BTNL8: variants seen among roughly 807,000 people sequenced by gnomAD.
BTNL8 encodes the protein butyrophilin like 8, also known as butyrophilin-like protein 8.
A neutral mutation model predicts 36.1 loss-of-function variants in BTNL8; 22 were observed. The ratio of observed to expected loss-of-function variants is 0.61; its 90% CI spans 0.44 to 0.87. The LOEUF (loss-of-function observed/expected upper bound fraction) is 0.87, where lower values mean the gene tolerates loss of function less well. Among genes scored for constraint, BTNL8 ranks in the 40% least tolerant of loss-of-function variants. The pLI is 0.00. For synonymous variants in BTNL8, 203 were observed against 235.6 expected, an observed-to-expected ratio of 0.86 and a Z score of 1.27; for missense variants, 526 against 616.9, an observed-to-expected ratio of 0.85 and a Z score of 1.56.
intron 3 of BTNL8, among the ~76,000 whole-genome samples, chr5:180,918,909 A>G (rs140060167): frequency 2.7e-4 from 41 of 152,280 alleles, no homozygotes; most frequent in Admixed American, 8.5e-4. Flanking sequence ...ATGTAGATGA[A>G]GTCTCATAAG....
chr5:180,937,082 T>G (rs998386094), intron 3 of BTNL8, among the ~76,000 whole-genome samples: 13 of 152,146 alleles, frequency 8.5e-5, no homozygotes, highest in African/African-American at 2.7e-4. Context: ...CCCAGGAGTC[T>G]CAGGAACAGC....
At chr5:180,912,390 C>A (rs1021310824) in intron 3 of BTNL8, among the ~76,000 whole-genome samples, 2 of 151,528 alleles carry the variant, frequency 1.3e-5, no homozygotes, top group African/African-American at 2.4e-5. Context: ...CTCTTTATCT[C>A]CATCTTTCTC....
At chr5:180,939,739 G>A (rs568896700) in intron 3 of BTNL8, among the ~76,000 whole-genome samples, 4 of 152,232 alleles carry the variant, frequency 2.6e-5, no homozygotes, top group Non-Finnish European at 5.9e-5. Flanking sequence ...TACACCAAAT[G>A]AACCTAGCAG....
chr5:180,921,824 T>C (rs1195370151), intron 3 of BTNL8, among the ~76,000 whole-genome samples: 19 of 152,058 alleles, frequency 1.2e-4, no homozygotes, highest in Admixed American at 1.2e-3. Context: ...ACCAAACTCT[T>C]TGAGTTGTAT....
intron 2 of BTNL8, chr5:180,909,627 C>A: frequency 3.1e-6 from 3 of 966,688 alleles, no homozygotes; most frequent in Non-Finnish European, 3.7e-6. Flanking sequence ...AGCCCGTAAT[C>A]CCAACACCTT....
chr5:180,907,351 T>G (rs199541497), intron 1 of BTNL8, among the ~76,000 whole-genome samples: 2 of 99,196 alleles, frequency 2.0e-5, no homozygotes. Context: ...ACGTAGTTCT[T>G]GAGCCTTGGT....
chr5:180,949,437 T>A, intron 7 of BTNL8, 172 bp downstream of exon 7: 1 of 1,029,492 alleles, frequency 9.7e-7, no homozygotes. Context: ...CCAGACACAC[T>A]TCTTTCCCTT....
intron 3 of BTNL8, among the ~76,000 whole-genome samples, chr5:180,927,115 A>T (rs749548859): frequency 6.6e-6 from 1 of 152,148 alleles, no homozygotes. Context: ...GACGAACCTT[A>T]CAGAGGAAGG....
chr5:180,948,522 T>G (rs1311367225), intron 5 of BTNL8, 147 bp downstream of exon 5: 13 of 1,604,936 alleles, frequency 8.1e-6, no homozygotes, highest in Non-Finnish European at 1.1e-5. Context: ...GCTCTCTCCA[T>G]CCACTGCTCA....
Position 180,935,382 on chromosome 5 carries a change from A to G in BTNL8, c.674-12130A>G, listed in dbSNP as rs990579396. On this transcript the variant is annotated intron_variant, in intron 3 of 7. Transcript: ENST00000340184. This position sits in a 1 kb window ranked among gnomAD's most constrained non-coding sequence, Gnocchi z 4.8. ...GACCTGTGCAGAGCTGCCCTCAGCC[A>G]TCGTCCTCCCTCCTGTGCTCACTGG... is the stretch of plus-strand genomic sequence containing the variant. 6.6e-6 allele frequency among the ~76,000 whole-genome samples: 1 copy of G among 152,216 alleles called. No individual in the cohort carries two copies. The highest frequency in any genetic ancestry group is 1.5e-5 in the Non-Finnish European group (1 of 68,038).
At chr5:180,900,694 G>C (rs141632913) in intron 1 of BTNL8, among the ~76,000 whole-genome samples, 1 of 152,198 alleles carries the variant, frequency 6.6e-6, no homozygotes, top group Non-Finnish European at 1.5e-5. Context: ...CGTTGAGCAG[G>C]TGATTCTGGG....
In BTNL8 at chr5:180,911,378, T is replaced by C. The variant is rs1757385853; in HGVS notation, c.437T>C (p.Val146Ala). The change falls in exon 3 of 8, where the codon GTT becomes GCT. Residue 146 changes from valine (V) to alanine (A), a missense_variant. This residue lies in a region of BTNL8 where 350 missense variants were observed against 324.6 expected (regional missense o/e 1.08). Transcript: ENST00000340184. ...CCTCTCATTTCCATCACGGGATATG[T>C]TGATAGAGACATCCAGCTACTCTGT... Reference protein sequence around the residue: ...SVPLISITGYVDRDIQLLCQS... With the variant: ...SVPLISITGYADRDIQLLCQS... 1 of 1,614,184 alleles carries C rather than the reference T, an allele frequency of 6.2e-7. No individual in the cohort carries two copies. The highest frequency in any genetic ancestry group is 2.2e-5 in the East Asian group (1 of 44,886).
intron 3 of BTNL8, among the ~76,000 whole-genome samples, chr5:180,936,679 T>C (rs1230331621): frequency 1.3e-5 from 2 of 152,182 alleles, no homozygotes; most frequent in African/African-American, 4.8e-5. Context: ...CTTGCCGTAG[T>C]GTGCTCTGCA....
intron 3 of BTNL8, among the ~76,000 whole-genome samples, chr5:180,918,663 C>T (rs1300171328): frequency 6.6e-6 from 1 of 152,140 alleles, no homozygotes; most frequent in East Asian, 1.9e-4. Flanking sequence ...TGAGTTACAG[C>T]TTGATTTTAT....
At chr5:180,916,713 A>C (rs1204898031) in intron 3 of BTNL8, among the ~76,000 whole-genome samples, 1 of 152,236 alleles carries the variant, frequency 6.6e-6, no homozygotes, top group Non-Finnish European at 1.5e-5. Context: ...CAGGGGTTAC[A>C]TTCCAAGATC....
intron 3 of BTNL8, among the ~76,000 whole-genome samples, chr5:180,914,536 T>C (rs951699363): frequency 6.6e-6 from 1 of 152,230 alleles, no homozygotes; most frequent in Non-Finnish European, 1.5e-5. Context: ...AACAATTTAA[T>C]ATTCATATAT....
chr5:180,923,983 A>G (rs2113812722), intron 3 of BTNL8, among the ~76,000 whole-genome samples: 1 of 152,336 alleles, frequency 6.6e-6, no homozygotes, highest in Middle Eastern at 3.4e-3. Flanking sequence ...AAGAGGAGAG[A>G]CACATCTGGC....
intron 1 of BTNL8, among the ~76,000 whole-genome samples, chr5:180,905,802 A>G (rs1757051933): frequency 6.6e-6 from 1 of 150,682 alleles, no homozygotes; most frequent in Admixed American, 6.6e-5. Context: ...GTCATTCAGG[A>G]GCAGGTTGTT....
At chr5:180,948,841 C>T in intron 5 of BTNL8, 79 bp from the exon 6 acceptor site, 1 of 529,836 alleles carries the variant, frequency 1.9e-6, no homozygotes, top group East Asian at 3.1e-5. Flanking sequence ...CGCAGGGATT[C>T]CCTCCCACGC....
Sources: allele counts gnomAD v4.1 joint callset (sites outside exome capture counted in the v4.1 genomes callset), GRCh38; gene constraint gnomAD v4.1.1; regional missense constraint gnomAD v4.1.1; non-coding constraint Gnocchi (gnomAD v3.1); transcripts MANE v1.5; gene names NCBI Gene and HGNC (gene_info 2026-07-23, HGNC 2026-07-21).